Variants in MGAT4C observed in about 807,000 individuals in gnomAD.
MGAT4C encodes the protein alpha-1,3-mannosyl-glycoprotein 4-beta-N-acetylglucosaminyltransferase C.
A neutral mutation model predicts 40.1 loss-of-function variants in MGAT4C; 19 were observed. The observed-to-expected ratio is 0.47, with a 90% CI of 0.33 to 0.70. The LOEUF is 0.70. MGAT4C is among the 30% of genes least tolerant of loss of function. The probability of loss-of-function intolerance (pLI) is 0.02; values close to 1 mark genes in which losing one functional copy is unlikely to be tolerated. For synonymous variants in MGAT4C, 181 were observed against 187.1 expected (o/e 0.97, Z 0.27); for missense variants, 491 against 563.2 (o/e 0.87, Z 1.30).
intron 2 of MGAT4C, among the ~76,000 whole-genome samples, chr12:86,540,504 G>A (rs148962148): frequency 2.0e-5 from 3 of 152,300 alleles, no homozygotes; most frequent in Non-Finnish European, 4.4e-5. Flanking sequence ...TTGTGAGGCC[G>A]AGACATGCAG....
intron 2 of MGAT4C, among the ~76,000 whole-genome samples, chr12:86,538,158 C>A (rs528084116): frequency 6.6e-6 from 1 of 152,180 alleles, no homozygotes; most frequent in African/African-American, 2.4e-5. Context: ...TTTAAAAAGT[C>A]TTAAATCAGA....
chr12:86,201,658 A>C (rs1950055954), intron 1 of MGAT4C, among the ~76,000 whole-genome samples: 1 of 151,670 alleles, frequency 6.6e-6, no homozygotes, highest in Non-Finnish European at 1.5e-5. Context: ...GGTCCTTTGA[A>C]TTTCCAGAAT....
intron 1 of MGAT4C, among the ~76,000 whole-genome samples, chr12:86,128,463 C>T (rs944576357): frequency 1.2e-4 from 18 of 152,136 alleles, no homozygotes; most frequent in Non-Finnish European, 1.8e-4. Context: ...CTGGCTGCCA[C>T]CAAGCAAGAA....
intron 2 of MGAT4C, among the ~76,000 whole-genome samples, chr12:86,652,828 T>C (rs1423661436): frequency 6.6e-6 from 1 of 151,962 alleles, no homozygotes; most frequent in Non-Finnish European, 1.5e-5. Flanking sequence ...ATTATATTCC[T>C]TGTAATTAAT....
At chr12:86,251,857 G>A (rs570304125) in intron 1 of MGAT4C, among the ~76,000 whole-genome samples, 1 of 151,970 alleles carries the variant, frequency 6.6e-6, no homozygotes, top group Non-Finnish European at 1.5e-5. Context: ...ACTGAGACCA[G>A]TATCAAACAC....
rs146558213 is a variant in MGAT4C at position 86,187,782 on chromosome 12, T to C, written c.-57+68457A>G. Among the ~76,000 whole-genome samples the C allele has an allele frequency of 2.0e-4, 30 of 152,018 alleles. No homozygotes were observed. In the East Asian group the frequency reaches 4.6e-3, roughly 24 times the overall value. On this transcript the variant is annotated intron_variant, in intron 1 of 4. Coordinates refer to ENST00000611864, the MANE Select transcript of MGAT4C (RefSeq NM_001351288.2). The stretch of plus-strand genomic sequence containing the variant: ...AAAAAAATGTCATTTTTCAGGGCTC[T>C]AGGCTTGAACGTATTAAAGATTGGT...
intron 1 of MGAT4C, among the ~76,000 whole-genome samples, chr12:86,790,194 G>T (rs937551576): frequency 3.3e-5 from 5 of 152,106 alleles, no homozygotes; most frequent in African/African-American, 1.2e-4. Context: ...CTATTTGATG[G>T]TAGAACTGGA....
chr12:86,436,635 A>T (rs1957143321), intron 2 of MGAT4C, among the ~76,000 whole-genome samples: 1 of 151,740 alleles, frequency 6.6e-6, no homozygotes, highest in Non-Finnish European at 1.5e-5. Context: ...AGGACTTGAA[A>T]TTCTTAACTA....
chr12:86,634,921 C>G (rs1279382015), intron 2 of MGAT4C, among the ~76,000 whole-genome samples: 1 of 152,124 alleles, frequency 6.6e-6, no homozygotes, highest in Non-Finnish European at 1.5e-5. Context: ...TGGTGGTCAG[C>G]TCAGGGTGTG....
rs1187446709 is a variant in MGAT4C, at chr12:86,472,174, T to C, written c.-228-36909A>G. ...GAATAAAATGATAATCTCAGAAACT[T>C]TTGCCTCTATACTTTGTCTCCTTCC... is the stretch of plus-strand genomic sequence containing the variant. On this transcript the variant is annotated intron_variant, in intron 2 of 7. Coordinates refer to the MGAT4C transcript ENST00000548651. 2.6e-5 allele frequency among the ~76,000 whole-genome samples: 4 copies of C among 152,142 alleles called. No homozygotes were observed. In the East Asian group the frequency reaches 7.7e-4, roughly 29 times the overall value.
At chr12:86,546,981 T>A (rs1400605833) in intron 2 of MGAT4C, among the ~76,000 whole-genome samples, 1 of 151,986 alleles carries the variant, frequency 6.6e-6, no homozygotes, top group Non-Finnish European at 1.5e-5. Flanking sequence ...TTTTAATAAA[T>A]AAAAAGAATT....
rs183695010 is a variant in MGAT4C at position 86,731,152 on chromosome 12, A to G, written c.-261-3911T>C. On this transcript the variant is annotated intron_variant, in intron 1 of 7. Transcript: ENST00000548651. The stretch of plus-strand genomic sequence containing the variant: ...AAAGAAATTTTAAGCCTCTTATCTA[A>G]TTTTTCACTTGTAACTATTATATTC... 4.2e-4 allele frequency among the ~76,000 whole-genome samples: 64 copies of G among 152,210 alleles called. 1 individual carries two copies. The East Asian group carries it at 0.011, about 26-fold the overall frequency.
chr12:86,812,319 T>C (rs953939275), intron 1 of MGAT4C, among the ~76,000 whole-genome samples: 5 of 152,156 alleles, frequency 3.3e-5, no homozygotes, highest in African/African-American at 9.6e-5. Context: ...ATCCTACTGG[T>C]TGAGTGTGCT....
chr12:86,156,953 A>T (rs1307508365), intron 1 of MGAT4C, among the ~76,000 whole-genome samples: 1 of 152,084 alleles, frequency 6.6e-6, no homozygotes, highest in African/African-American at 2.4e-5. Flanking sequence ...CCTTCTCTTT[A>T]TTCCCATCCC....
chr12:86,714,256 T>C (rs934225828), intron 2 of MGAT4C, among the ~76,000 whole-genome samples: 1 of 152,146 alleles, frequency 6.6e-6, no homozygotes, highest in African/African-American at 2.4e-5. Flanking sequence ...TCTACCTCCA[T>C]ATATAAGTTG....
chr12:86,528,635 TAAAC>T (rs1236314396), intron 2 of MGAT4C, among the ~76,000 whole-genome samples: 2 of 152,078 alleles, frequency 1.3e-5, no homozygotes, highest in African/African-American at 4.8e-5. Flanking sequence ...ATGCAAAAAT[TAAAC>T]AAAATACAAA....
chr12:85,993,683 T>C (rs1170476011), intron 2 of MGAT4C, among the ~76,000 whole-genome samples: 1 of 152,148 alleles, frequency 6.6e-6, no homozygotes, highest in Non-Finnish European at 1.5e-5. Flanking sequence ...GATGGTACTT[T>C]GGAGGGCCTT....
chr12:86,078,609 G>A (rs1050498235), intron 1 of MGAT4C, among the ~76,000 whole-genome samples: 1 of 152,198 alleles, frequency 6.6e-6, no homozygotes, highest in Non-Finnish European at 1.5e-5. Context: ...CTATATCGAA[G>A]GCTCAGTGTT....
chr12:86,741,166 T>C (rs1376859827), intron 1 of MGAT4C, among the ~76,000 whole-genome samples: 1 of 151,078 alleles, frequency 6.6e-6, no homozygotes, highest in African/African-American at 2.4e-5. Context: ...AGAAAATAAA[T>C]TGTTTTACCA....
Sources: gnomAD v4.1 joint callset for allele counts (sites outside exome capture counted in the v4.1 genomes callset) on GRCh38, gnomAD v4.1.1 for gene constraint, MANE v1.5 for transcripts, NCBI Gene and HGNC (gene_info 2026-07-23, HGNC 2026-07-21) for gene names.